Variants in MTMR9 observed in about 807,000 individuals in gnomAD.
The protein encoded by MTMR9 is myotubularin-related protein 9.
A neutral mutation model predicts 69.5 loss-of-function variants in MTMR9; 39 were observed. The observed-to-expected ratio is 0.56, with a 90% CI of 0.43 to 0.73. The LOEUF (loss-of-function observed/expected upper bound fraction) is 0.73. Ranked by LOEUF, MTMR9 falls within the 30% of genes least tolerant of loss-of-function variation. The probability of loss-of-function intolerance (pLI) is 0.00; values close to 1 mark genes in which losing one functional copy is unlikely to be tolerated. For missense variants in MTMR9, 900 were observed against 671.2 expected, an observed-to-expected ratio of 1.34 and a Z score of -3.77; for synonymous variants, 354 against 240.8, an observed-to-expected ratio of 1.47 and a Z score of -4.35.
At chr8:11,290,373 T>A (rs1000106219) in intron 1 of MTMR9, among the ~76,000 whole-genome samples, 2 of 152,174 alleles carry the variant, frequency 1.3e-5, no homozygotes, top group Non-Finnish European at 2.9e-5. Context: ...TCATTCTCCA[T>A]TTAGGCATTA....
At chr8:11,303,121 C>A (rs549595348) in intron 3 of MTMR9, among the ~76,000 whole-genome samples, 47 of 149,354 alleles carry the variant, frequency 3.1e-4, no homozygotes, top group African/African-American at 1.1e-3. Flanking sequence ...GCATGGAAGA[C>A]CAAAAGACCA....
rs1585111112 is a variant in MTMR9 at position 11,295,008 on chromosome 8, C to T, written c.183-186C>T. On this transcript the variant is annotated intron_variant, in intron 1 of 9. Coordinates refer to ENST00000221086, the MANE Select transcript of MTMR9 (RefSeq NM_015458.4). ...TTATATATTTGAAATTTAAAAAAGA[C>T]ATATATTGTAAGTAATGTATGGCTC... The T allele has an allele frequency of 1.5e-5, 6 of 404,830 alleles. No homozygotes were observed. In the East Asian group the frequency reaches 2.5e-4, roughly 17 times the overall value. 25.1% of individuals were successfully genotyped at this position (404,830 alleles called of 1,614,324 possible). A position where few individuals can be genotyped will look rare whatever the true frequency, so the allele number is the denominator to read the frequency against.
At position 11,319,769 on chromosome 8, in the gene MTMR9, C is replaced by A. The variant is rs746437144; in HGVS notation, c.1417C>A (p.Pro473Thr). The A allele has an allele frequency of 3.1e-6, 5 of 1,614,058 alleles. No homozygotes were observed. The Admixed American group carries it at 5.0e-5, about 16-fold the overall frequency. Residue 473 changes from proline to threonine, a missense_variant, in exon 9 of 10, where the codon CCC becomes ACC. Physicochemically the swap from Pro to Thr is conservative, Grantham distance 38. Coordinates refer to ENST00000221086, the MANE Select transcript of MTMR9 (RefSeq NM_015458.4). Reference sequence around the variant, plus strand: ...CAGTGAGCTGAGTAAATTCACCAATCCCCTCTTTGAAGCCAACAACCTTGT... The same window carrying A: ...CAGTGAGCTGAGTAAATTCACCAATACCCTCTTTGAAGCCAACAACCTTGT... ...QPSELSKFTN[P>T]LFEANNLVIW...
intron 2 of MTMR9, among the ~76,000 whole-genome samples, chr8:11,296,870 G>GGT (rs57778380): frequency 0.022 from 3,415 of 152,014 alleles, 129 homozygotes; most frequent in African/African-American, 0.076. Flanking sequence ...CTTAAGACAG[G>GGT]GTGTGTTTGC....
At chr8:11,311,260 C>T (rs1005923839) in intron 6 of MTMR9, among the ~76,000 whole-genome samples, 2 of 152,090 alleles carry the variant, frequency 1.3e-5, no homozygotes, top group Non-Finnish European at 2.9e-5. Flanking sequence ...TAAGAACCCC[C>T]AAAGAATTCA....
intron 6 of MTMR9, among the ~76,000 whole-genome samples, chr8:11,310,311 C>T (rs1363477264): frequency 6.6e-6 from 1 of 152,082 alleles, no homozygotes; most frequent in Non-Finnish European, 1.5e-5. Context: ...AGGATTGGCA[C>T]AAATTCTTGC....
At chr8:11,288,024 GA>G (rs1157373641) in intron 1 of MTMR9, among the ~76,000 whole-genome samples, 2 of 117,824 alleles carry the variant, frequency 1.7e-5, no homozygotes, top group Non-Finnish European at 3.3e-5. Context: ...TAATACGTAT[GA>G]TATATAATAT....
chr8:11,336,735 G>A, the MTMR9 span, among the ~76,000 whole-genome samples: 15 of 152,284 alleles, frequency 9.9e-5, no homozygotes, highest in Non-Finnish European at 1.8e-4. Flanking sequence ...TCTTCAGGAC[G>A]CCAGTGATGC....
rs773350127 is a variant in MTMR9, at chr8:11,306,112, A to AC, written c.592-78_592-77insC. ...ACACAATTGTTTTTGAGATACTCTT[A>AC]ATCTAGCTAATTTCTTTCTGTTTTC... On this transcript the variant is annotated intron_variant, in intron 4 of 9. Transcript: ENST00000221086. The AC allele has an allele frequency of 7.7e-5, 96 of 1,239,600 alleles. No individual in the cohort carries two copies. The Middle Eastern group carries it at 8.0e-4, about 10-fold the overall frequency. The allele number at this position is 1,239,600 out of a possible 1,614,324, so 76.8% of individuals were successfully genotyped here. A position where few individuals can be genotyped will look rare whatever the true frequency, so the allele number is the denominator to read the frequency against.
rs1473774298 is a variant in MTMR9, at chr8:11,325,093, T to C, written c.*2305T>C. The C allele has an allele frequency of 6.6e-6, 1 of 152,256 alleles. No individual in the cohort carries two copies. Among genetic ancestry groups the C allele is most frequent in the Non-Finnish European group, 1.5e-5 (1 of 68,044 alleles). 9.4% of individuals were successfully genotyped at this position (152,256 alleles called of 1,614,324 possible). A position where few individuals can be genotyped will look rare whatever the true frequency, so the allele number is the denominator to read the frequency against. On this transcript the variant is annotated 3_prime_UTR_variant, in exon 10 of 10. Transcript: ENST00000221086. ...ACTGAGACAACAATCTATACTGTTTTGGCAAGTTTGCATTTTAGTATTAAT... is the reference window on the plus strand; with the variant it reads ...ACTGAGACAACAATCTATACTGTTTCGGCAAGTTTGCATTTTAGTATTAAT...
chr8:11,317,807 A>T (rs1800493538), intron 8 of MTMR9: 1 of 152,260 alleles, frequency 6.6e-6, no homozygotes, highest in Middle Eastern at 3.2e-3. Context: ...TTGCCTGGTA[A>T]TCTCTTCAGG....
Position 11,295,318 on chromosome 8 carries a change from G to GCTTC in MTMR9, c.291+17_291+18insTTCC. 2 of 1,354,090 alleles carry GCTTC rather than the reference G, an allele frequency of 1.5e-6. No individual in the cohort carries two copies. The highest frequency in any genetic ancestry group is 2.1e-6 in the Non-Finnish European group (2 of 949,012). 83.9% of individuals were successfully genotyped at this position (1,354,090 alleles called of 1,614,324 possible). ...TTCCATTGAGGTAAGTATTTTGGAA[G>GCTTC]CAAAATCTAATGAAACATAATTTTA... On this transcript the variant is annotated intron_variant, in intron 2 of 9. Coordinates refer to ENST00000221086, the MANE Select transcript of MTMR9 (RefSeq NM_015458.4).
chr8:11,299,908 C>T, intron 2 of MTMR9, 115 bp from the exon 3 acceptor site: 1 of 1,218,704 alleles, frequency 8.2e-7, no homozygotes, highest in East Asian at 2.5e-5. Flanking sequence ...GTTAGAGAAA[C>T]ATTCTGGGTG....
intron 5 of MTMR9, among the ~76,000 whole-genome samples, chr8:11,306,686 A>G (rs900924364): frequency 9.2e-5 from 14 of 152,064 alleles, no homozygotes; most frequent in Admixed American, 2.6e-4. Context: ...CATAGTTATC[A>G]TTTTTTTGGA....
At chr8:11,285,659 T>C (rs1205237162) in intron 1 of MTMR9, among the ~76,000 whole-genome samples, 1 of 152,156 alleles carries the variant, frequency 6.6e-6, no homozygotes, top group East Asian at 1.9e-4. Flanking sequence ...CAGGGTTGGC[T>C]CTCAAGGAAA....
rs116727195 is a variant in MTMR9, at chr8:11,285,113, C to T, written c.182+43C>T. On this transcript the variant is annotated intron_variant, in intron 1 of 9. Transcript: ENST00000221086. The stretch of plus-strand genomic sequence containing the variant: ...CCCAGCTCCGCAGGGAGCCGGGGGT[C>T]CCTTGTGGGCGCCCCGGGAAATACT... The T allele has an allele frequency of 1.3e-5, 20 of 1,484,008 alleles. No individual in the cohort carries two copies. In the African/African-American group the frequency reaches 2.6e-4, roughly 19 times the overall value. 91.9% of individuals were successfully genotyped at this position (1,484,008 alleles called of 1,614,324 possible).
At chr8:11,319,586 A>C in intron 8 of MTMR9, 101 bp from the exon 9 acceptor site, 2 of 1,244,968 alleles carry the variant, frequency 1.6e-6, no homozygotes, top group Non-Finnish European at 1.1e-6. Flanking sequence ...CTTGTATTCT[A>C]TCTTCTTTCA....
At position 11,320,846 on chromosome 8, in the gene MTMR9, GCA is replaced by G. The variant is rs1341426083; in HGVS notation, c.1486+1013_1486+1014del. On this transcript the variant is annotated intron_variant, in intron 9 of 9. Transcript: ENST00000221086. ...TTTAAAGTTATTTTGAAGATAATAA[GCA>G]CACATTTATTCATGTTTATGTTTAA... The G allele has an allele frequency of 4.6e-4, 70 of 152,176 alleles. 1 individual carries two copies. Among genetic ancestry groups the G allele is most frequent in the African/African-American group, 1.5e-3 (63 of 41,404 alleles). 9.4% of individuals were successfully genotyped at this position (152,176 alleles called of 1,614,324 possible). A position where few individuals can be genotyped will look rare whatever the true frequency, so the allele number is the denominator to read the frequency against.
intron 1 of MTMR9, among the ~76,000 whole-genome samples, chr8:11,289,498 A>C (rs571594327): frequency 6.6e-6 from 1 of 151,664 alleles, no homozygotes; most frequent in East Asian, 1.9e-4. Context: ...TTTTTTTTTA[A>C]TGGACCTCAG....
Sources: allele counts gnomAD v4.1 joint callset (sites outside exome capture counted in the v4.1 genomes callset), GRCh38; gene constraint gnomAD v4.1.1; transcripts MANE v1.5; gene names NCBI Gene and HGNC (gene_info 2026-07-23, HGNC 2026-07-21).